Variants in RAD51B observed in about 807,000 individuals in gnomAD.
RAD51B encodes the protein DNA repair protein RAD51 homolog 2.
Under a neutral mutation model 42.2 loss-of-function variants are expected in RAD51B, and 38 were observed. The ratio of observed to expected loss-of-function variants is 0.90; its 90% confidence interval spans 0.70 to 1.18. The LOEUF is 1.18. Among genes scored for constraint, RAD51B ranks in the 50% most tolerant of loss-of-function variants. The pLI is 0.00. For synonymous variants in RAD51B, 154 were observed against 145.2 expected (o/e 1.06, Z -0.43); for missense variants, 373 against 400.7 (o/e 0.93, Z 0.59).
chr14:68,334,794 T>G (rs181127704), intron 8 of RAD51B, among the ~76,000 whole-genome samples: 2 of 151,258 alleles, frequency 1.3e-5, no homozygotes, highest in Admixed American at 1.3e-4. Context: ...ATACTTTACT[T>G]GATATATCAT....
At chr14:67,861,711 C>T (rs1408125577) in intron 4 of RAD51B, among the ~76,000 whole-genome samples, 1 of 151,968 alleles carries the variant, frequency 6.6e-6, no homozygotes, top group African/African-American at 2.4e-5. Flanking sequence ...AAGCAACCAA[C>T]CAATCAATGC....
At chr14:67,932,933 G>T (rs908717691) in intron 7 of RAD51B, among the ~76,000 whole-genome samples, 1 of 152,158 alleles carries the variant, frequency 6.6e-6, no homozygotes, top group East Asian at 1.9e-4. Flanking sequence ...CAGTGGCAGC[G>T]GCTGTAGTGG....
rs558049237 is a variant in RAD51B, at chr14:68,652,700, A to G, written c.*11+1844A>G. On this transcript the variant is annotated intron_variant, in intron 11 of 11. Transcript: ENST00000488612. ...AATATGTTAGGACACCCTCCAAGTC[A>G]TTACTTTCTTGAAGTTAAATGATAT... 4.7e-4 allele frequency among the ~76,000 whole-genome samples: 72 copies of G among 152,346 alleles called. No individual in the cohort carries two copies. The South Asian group carries it at 0.015, about 32-fold the overall frequency.
At chr14:68,469,416 A>G (rs2086067269) in intron 10 of RAD51B, among the ~76,000 whole-genome samples, 1 of 152,238 alleles carries the variant, frequency 6.6e-6, no homozygotes, top group Admixed American at 6.5e-5. Context: ...TGTTTGGTGC[A>G]GCTGAGCTCC....
chr14:68,041,323 T>C (rs1464579854), intron 7 of RAD51B, among the ~76,000 whole-genome samples: 1 of 152,186 alleles, frequency 6.6e-6, no homozygotes, highest in African/African-American at 2.4e-5. Context: ...GGTAGTTCTT[T>C]ATAGCAGTGT....
At chr14:67,885,225 T>C (rs1447890422) in intron 5 of RAD51B, among the ~76,000 whole-genome samples, 1 of 152,228 alleles carries the variant, frequency 6.6e-6, no homozygotes, top group East Asian at 1.9e-4. Flanking sequence ...CCATATCTTA[T>C]AATATGAATG....
At chr14:68,392,491 C>G (rs1334645569) in intron 8 of RAD51B, among the ~76,000 whole-genome samples, 2 of 151,374 alleles carry the variant, frequency 1.3e-5, no homozygotes, top group Admixed American at 1.3e-4. Context: ...CTATAGGACT[C>G]TCTCTCCCAT....
chr14:68,150,516 T>A, intron 7 of RAD51B, among the ~76,000 whole-genome samples: 1 of 152,360 alleles, frequency 6.6e-6, no homozygotes, highest in Admixed American at 6.5e-5. Context: ...TTTTCTTACA[T>A]AGGTCTTGTA....
At chr14:68,106,866 G>A (rs992065827) in intron 7 of RAD51B, among the ~76,000 whole-genome samples, 2 of 151,824 alleles carry the variant, frequency 1.3e-5, no homozygotes, top group Non-Finnish European at 3.0e-5. Context: ...ATACATAATA[G>A]TTAACAAGAC....
chr14:68,486,824 A>G (rs771966548), intron 10 of RAD51B, among the ~76,000 whole-genome samples: 24 of 152,210 alleles, frequency 1.6e-4, no homozygotes, highest in Non-Finnish European at 2.2e-4. Context: ...CATTTCAAGC[A>G]CACAGGGTTT....
chr14:68,410,045 A>C (rs373565695), intron 8 of RAD51B, among the ~76,000 whole-genome samples: 2 of 152,174 alleles, frequency 1.3e-5, no homozygotes, highest in Non-Finnish European at 2.9e-5. Flanking sequence ...TATCTGACCC[A>C]GGGGTTCTCA....
At chr14:68,414,860 A>T (rs1428744789) in intron 9 of RAD51B, among the ~76,000 whole-genome samples, 3 of 28,020 alleles carry the variant, frequency 1.1e-4, no homozygotes, top group Non-Finnish European at 1.5e-4. Context: ...CATCTCTACT[A>T]AAAAAAAAAA....
intron 7 of RAD51B, among the ~76,000 whole-genome samples, chr14:68,261,395 A>G (rs957158595): frequency 3.9e-5 from 6 of 152,192 alleles, no homozygotes; most frequent in Non-Finnish European, 5.9e-5. Flanking sequence ...CCTTAAGCCT[A>G]TTTAGAAGTG....
intron 10 of RAD51B, among the ~76,000 whole-genome samples, chr14:68,559,586 G>T (rs1199251341): frequency 6.6e-6 from 1 of 151,890 alleles, no homozygotes; most frequent in East Asian, 1.9e-4. Context: ...CACCATGTTG[G>T]CCAGGCTGGT....
intron 11 of RAD51B, among the ~76,000 whole-genome samples, chr14:68,682,334 T>C (rs2140164975): frequency 6.6e-6 from 1 of 152,244 alleles, no homozygotes; most frequent in East Asian, 1.9e-4. Context: ...TAACAAACCA[T>C]CTGATCTCTA....
rs140447714 is a variant in RAD51B at position 68,175,070 on chromosome 14, C to T, written c.757-116814C>T. Among the ~76,000 whole-genome samples the T allele has an allele frequency of 2.0e-5, 3 of 152,254 alleles. No individual in the cohort carries two copies. In the East Asian group the frequency reaches 5.8e-4, roughly 29 times the overall value. On this transcript the variant is annotated intron_variant, in intron 7 of 10. Coordinates refer to ENST00000471583, the MANE Select transcript of RAD51B (RefSeq NM_133510.4). The stretch of plus-strand genomic sequence containing the variant: ...GCATTTCCCAGAAAGATCAAACTAT[C>T]AATGACATAAAGCAACAGATTGATT...
intron 5 of RAD51B, among the ~76,000 whole-genome samples, chr14:67,878,457 C>T (rs2042799297): frequency 6.6e-6 from 1 of 151,646 alleles, no homozygotes; most frequent in Non-Finnish European, 1.5e-5. Context: ...GGCTATAATT[C>T]TATAATTTAT....
intron 7 of RAD51B, among the ~76,000 whole-genome samples, chr14:68,079,858 C>T (rs1446202811): frequency 6.6e-6 from 1 of 152,238 alleles, no homozygotes; most frequent in Non-Finnish European, 1.5e-5. Flanking sequence ...CTCACAGGCT[C>T]TGTCTCTCTA....
At chr14:68,328,273 A>G (rs758392721) in intron 8 of RAD51B, among the ~76,000 whole-genome samples, 1 of 152,192 alleles carries the variant, frequency 6.6e-6, no homozygotes, top group Non-Finnish European at 1.5e-5. Flanking sequence ...CTGAAATTAC[A>G]CAGAAAGTAC....
Sources: gnomAD v4.1 joint callset for allele counts (sites outside exome capture counted in the v4.1 genomes callset) on GRCh38, gnomAD v4.1.1 for gene constraint, MANE v1.5 for transcripts, NCBI Gene and HGNC (gene_info 2026-07-23, HGNC 2026-07-21) for gene names.